Variants in DIS3L2 observed in about 807,000 individuals in gnomAD.
DIS3L2 encodes DIS3-like exonuclease 2.
DIS3L2 carries 34 observed loss-of-function variants against 97.5 expected under a neutral mutation model. The observed-to-expected ratio is 0.35, with a 90% CI of 0.27 to 0.46. DIS3L2 has a LOEUF of 0.46. DIS3L2 is among the 20% of genes least tolerant of loss of function. The pLI is 1.00. For synonymous variants in DIS3L2, 435 were observed against 445.2 expected, an observed-to-expected ratio of 0.98 and a Z score of 0.29; for missense variants, 1,038 against 1,146.0, an observed-to-expected ratio of 0.91 and a Z score of 1.36.
chr2:232,110,524 G>T (rs1697494668), intron 6 of DIS3L2, among the ~76,000 whole-genome samples: 1 of 152,160 alleles, frequency 6.6e-6, no homozygotes, highest in Non-Finnish European at 1.5e-5. Flanking sequence ...AGCATAAAAA[G>T]GAACAAAATG....
chr2:232,336,640 GCCGCCTGCC>G lies in DIS3L2; in HGVS notation c.*29_*37del, dbSNP rs538186468. ...CTCAAGCACCAGCTGAGCTCCACCAGCCGCCTGCCCCGCCTGCCCCGCCTGCCTGTCCCG... is the reference window on the plus strand; with the variant it reads ...CTCAAGCACCAGCTGAGCTCCACCAGCCGCCTGCCCCGCCTGCCTGTCCCG... On this transcript the variant is annotated 3_prime_UTR_variant, in exon 21 of 21. Transcript: ENST00000325385. 0.012 allele frequency: 18,534 copies of G among 1,552,160 alleles called. 187 individuals carry two copies. The highest frequency in any genetic ancestry group is 0.029 in the South Asian group (2,503 of 84,850).
At chr2:232,328,677 G>T (rs2106346643) in intron 14 of DIS3L2, 1 of 152,392 alleles carries the variant, frequency 6.6e-6, no homozygotes, top group East Asian at 1.9e-4. Context: ...GGGCATGAAG[G>T]CTGGGGAAAG....
chr2:232,129,627 C>A (rs1354850599), intron 6 of DIS3L2, among the ~76,000 whole-genome samples: 1 of 152,174 alleles, frequency 6.6e-6, no homozygotes, highest in East Asian at 1.9e-4. Context: ...CCCGGTAGGT[C>A]AGATCATGTC....
At chr2:232,327,886 G>A (rs1025334816) in intron 14 of DIS3L2, among the ~76,000 whole-genome samples, 5 of 152,328 alleles carry the variant, frequency 3.3e-5, no homozygotes, top group South Asian at 4.1e-4. Context: ...TTTTCTCTGC[G>A]TCCATGACAG....
chr2:232,337,092 A>AACTT lies in DIS3L2; in HGVS notation c.*463_*466dup. 5 of 1,023,756 alleles carry AACTT rather than the reference A, an allele frequency of 4.9e-6. No homozygotes were observed. Among genetic ancestry groups the AACTT allele is most frequent in the Non-Finnish European group, 5.8e-6 (5 of 855,832 alleles). 63.4% of individuals were successfully genotyped at this position (1,023,756 alleles called of 1,614,324 possible). A position where few individuals can be genotyped will look rare whatever the true frequency, so the allele number is the denominator to read the frequency against. ...CTGCTGAGCCGATGTCAACACCTGG[A>AACTT]ACTTTCCTGTCAGTTCCAACACGAT... On this transcript the variant is annotated 3_prime_UTR_variant, in exon 21 of 21. Transcript: ENST00000325385.
At chr2:231,965,673 T>G (rs993953150) in intron 1 of DIS3L2, among the ~76,000 whole-genome samples, 2 of 151,886 alleles carry the variant, frequency 1.3e-5, no homozygotes, top group Non-Finnish European at 2.9e-5. Context: ...TGGGGGAGAG[T>G]GAATGCACAT....
chr2:232,250,698 A>C (rs1693392884), intron 12 of DIS3L2, among the ~76,000 whole-genome samples: 1 of 152,196 alleles, frequency 6.6e-6, no homozygotes, highest in Non-Finnish European at 1.5e-5. Flanking sequence ...TGTCTGAACT[A>C]GAGGACATCA....
Position 232,333,992 on chromosome 2 carries a change from G to T in DIS3L2, c.2158+5G>T. 6.2e-7 allele frequency: 1 copy of T among 1,608,280 alleles called. No homozygotes were observed. ...GCCTCCTGGCTGCCGCGTTAGGTGA[G>T]GGGTGCAGTCGGGGTCAGGGCAGAC... On this transcript the variant is annotated splice_donor_5th_base_variant and intron_variant, in intron 17 of 20. Transcript: ENST00000325385.
chr2:232,050,928 A>G (rs6735452), intron 5 of DIS3L2, among the ~76,000 whole-genome samples: 2,921 of 152,336 alleles, frequency 0.019, 94 homozygotes, highest in African/African-American at 0.066. Context: ...GGCTCTGCCT[A>G]AGGGAACTTA....
chr2:232,286,396 AG>A (rs35308049), intron 13 of DIS3L2, among the ~76,000 whole-genome samples: 13,604 of 152,276 alleles, frequency 0.089, 755 homozygotes, highest in African/African-American at 0.16. Context: ...CTGCGGCCCA[AG>A]GAGTCCTACA....
chr2:232,059,589 A>G (rs143353038), intron 5 of DIS3L2, among the ~76,000 whole-genome samples: 11 of 152,272 alleles, frequency 7.2e-5, no homozygotes, highest in South Asian at 2.1e-4. Context: ...CTGTCACCCA[A>G]GTATTGAACA....
chr2:232,329,785 T>TGCCGGGG, intron 14 of DIS3L2, 28 bp from the exon 15 acceptor site: 94 of 967,074 alleles, frequency 9.7e-5, no homozygotes, highest in Non-Finnish European at 1.3e-4. Context: ...ACCCCAGCGG[T>TGCCGGGG]CCCTCCCATC....
At chr2:232,095,942 A>ATGTT (rs1028066187) in intron 6 of DIS3L2, among the ~76,000 whole-genome samples, 25 of 151,326 alleles carry the variant, frequency 1.7e-4, no homozygotes, top group African/African-American at 6.1e-4. Context: ...GCTCCATTGT[A>ATGTT]TGTTTGTTTG....
At chr2:232,340,520 T>C (rs190681280), downstream of DIS3L2, among the ~76,000 whole-genome samples, 1 of 152,276 alleles carries the variant, frequency 6.6e-6, no homozygotes, top group Non-Finnish European at 1.5e-5. Context: ...ATGAACGGTC[T>C]CTGGGCCAGG....
intron 13 of DIS3L2, among the ~76,000 whole-genome samples, chr2:232,273,567 A>C (rs1302876271): frequency 6.6e-6 from 1 of 152,232 alleles, no homozygotes; most frequent in Admixed American, 6.5e-5. Flanking sequence ...TCCAGGGTTT[A>C]GAACAAGGTA....
chr2:232,140,913 T>C (rs1320430048), intron 8 of DIS3L2, among the ~76,000 whole-genome samples: 1 of 152,226 alleles, frequency 6.6e-6, no homozygotes, highest in Non-Finnish European at 1.5e-5. Flanking sequence ...AATCTTGTTC[T>C]GTAATGCTAT....
In DIS3L2 at chr2:232,336,689, G is replaced by T; in HGVS notation, c.*59G>T. ...TGCCTGTCCCGCCACACTGGCTTTA[G>T]GACCTGTTGACACGGAGGGGGGTTT... On this transcript the variant is annotated 3_prime_UTR_variant, in exon 21 of 21. Transcript: ENST00000325385. The T allele has an allele frequency of 6.4e-7, 1 of 1,563,944 alleles. No homozygotes were observed.
In DIS3L2 at chr2:232,325,762, T is replaced by C. The variant is rs573549441; in HGVS notation, c.1740-4051T>C. On this transcript the variant is annotated intron_variant, in intron 14 of 20. Transcript: ENST00000325385. The surrounding 1 kb of genome is among the most constrained non-coding windows in gnomAD (Gnocchi z 4.6). ...CATTCCCAGCCCCTCGGAAAGCAGT[T>C]GTCAGGCAGTCCCTGAGCTCCAGCG... Among the ~76,000 whole-genome samples, 2 of 152,334 alleles carry C rather than the reference T, an allele frequency of 1.3e-5. No homozygotes were observed. Among genetic ancestry groups the C allele is most frequent in the South Asian group, 4.1e-4 (2 of 4,830 alleles).
chr2:232,207,028 C>G (rs1032687406), intron 9 of DIS3L2, among the ~76,000 whole-genome samples: 1 of 152,152 alleles, frequency 6.6e-6, no homozygotes. Context: ...AGTCAACCCT[C>G]CAAGTAACCT....
Sources: gnomAD v4.1 joint callset for allele counts (sites outside exome capture counted in the v4.1 genomes callset) on GRCh38, gnomAD v4.1.1 for gene constraint, Gnocchi (gnomAD v3.1) non-coding constraint, MANE v1.5 for transcripts, NCBI Gene and HGNC (gene_info 2026-07-23, HGNC 2026-07-21) for gene names.